FOXP1: variants seen among roughly 807,000 people sequenced by gnomAD.
FOXP1 encodes the protein forkhead box P1.
FOXP1 carries 15 observed loss-of-function variants against 98.2 expected under a neutral mutation model. The ratio of observed to expected loss-of-function variants is 0.15; its 90% confidence interval spans 0.10 to 0.24. The LOEUF is 0.24. Among genes scored for constraint, FOXP1 ranks in the 10% least tolerant of loss-of-function variants. The pLI, the probability that FOXP1 is intolerant of heterozygous loss-of-function variation, is 1.00. For synonymous variants in FOXP1, 371 were observed against 314.5 expected (o/e 1.18, Z -1.90); for missense variants, 633 against 848.5 (o/e 0.75, Z 3.15).
At chr3:71,134,337 C>G (rs1311182763) in intron 6 of FOXP1, among the ~76,000 whole-genome samples, 2 of 152,112 alleles carry the variant, frequency 1.3e-5, no homozygotes, top group East Asian at 3.9e-4. Flanking sequence ...CAAATGTAAC[C>G]AAGGCTGGAC....
intron 3 of FOXP1, among the ~76,000 whole-genome samples, chr3:71,384,916 G>T (rs1055578253): frequency 6.6e-6 from 1 of 152,058 alleles, no homozygotes; most frequent in Non-Finnish European, 1.5e-5. Context: ...TCACTTAGTG[G>T]TATCTTGAAA....
intron 2 of FOXP1, among the ~76,000 whole-genome samples, chr3:71,509,669 G>A (rs906166181): frequency 6.6e-6 from 1 of 152,096 alleles, no homozygotes; most frequent in Non-Finnish European, 1.5e-5. Context: ...ATTGCTTGAG[G>A]CTAGGAGTTC....
intron 12 of FOXP1, among the ~76,000 whole-genome samples, chr3:71,001,560 G>A (rs2042128145): frequency 6.6e-6 from 1 of 151,988 alleles, no homozygotes; most frequent in Non-Finnish European, 1.5e-5. Context: ...CCTGAAACAT[G>A]AGCCTACACA....
At chr3:71,197,845 T>C (rs906611143) in intron 6 of FOXP1, 1 of 1,604,246 alleles carries the variant, frequency 6.2e-7, no homozygotes, top group Admixed American at 1.7e-5. Context: ...CTGTTTTTCG[T>C]TTAATTTTTA....
At chr3:71,088,508 A>G (rs745822912) in intron 7 of FOXP1, among the ~76,000 whole-genome samples, 9 of 151,876 alleles carry the variant, frequency 5.9e-5, no homozygotes, top group Non-Finnish European at 1.3e-4. Context: ...CTAGGTCAAC[A>G]CAACCACCCA....
intron 12 of FOXP1, among the ~76,000 whole-genome samples, chr3:71,013,318 A>G (rs1351797112): frequency 6.6e-6 from 1 of 152,192 alleles, no homozygotes; most frequent in African/African-American, 2.4e-5. Flanking sequence ...AGTCAATTGT[A>G]TAACAAAGAA....
intron 6 of FOXP1, among the ~76,000 whole-genome samples, chr3:71,169,886 G>A (rs1232391955): frequency 1.3e-5 from 2 of 151,900 alleles, no homozygotes; most frequent in East Asian, 1.9e-4. Flanking sequence ...TTCATTTTAC[G>A]CACAATTTTG....
chr3:71,380,626 T>C (rs1387718156), intron 3 of FOXP1, among the ~76,000 whole-genome samples: 1 of 152,180 alleles, frequency 6.6e-6, no homozygotes, highest in Non-Finnish European at 1.5e-5. Context: ...CACTCTTCAA[T>C]GTTTGATATG....
chr3:70,967,212 T>C (rs1175495641), intron 19 of FOXP1, among the ~76,000 whole-genome samples: 4 of 152,218 alleles, frequency 2.6e-5, no homozygotes, highest in Non-Finnish European at 4.4e-5. Context: ...CTAGAAATCC[T>C]GGCTCTAGAA....
intron 2 of FOXP1, among the ~76,000 whole-genome samples, chr3:71,498,194 C>T (rs1286336702): frequency 2.0e-5 from 3 of 152,130 alleles, no homozygotes; most frequent in Non-Finnish European, 2.9e-5. Flanking sequence ...AATCCCAGGG[C>T]CTGTGGTTGC....
intron 7 of FOXP1, among the ~76,000 whole-genome samples, chr3:71,093,226 C>T (rs2056080382): frequency 6.7e-6 from 1 of 148,226 alleles, no homozygotes; most frequent in East Asian, 2.0e-4. Context: ...TGCACTCAGC[C>T]TGGGCGACAA....
At chr3:71,492,071 T>C (rs1442889396) in intron 3 of FOXP1, among the ~76,000 whole-genome samples, 2 of 152,138 alleles carry the variant, frequency 1.3e-5, no homozygotes, top group African/African-American at 2.4e-5. Flanking sequence ...GTCCCATTTG[T>C]AAACTGAGGT....
intron 5 of FOXP1, among the ~76,000 whole-genome samples, chr3:71,298,765 C>A (rs896887541): frequency 7.3e-6 from 1 of 137,860 alleles, no homozygotes; most frequent in Admixed American, 6.9e-5. Context: ...CATTCTAGAA[C>A]CCCCCCAAGC....
intron 14 of FOXP1, among the ~76,000 whole-genome samples, chr3:70,982,579 A>T (rs1304996597): frequency 6.6e-6 from 1 of 152,214 alleles, no homozygotes; most frequent in African/African-American, 2.4e-5. Context: ...TATGTCATTT[A>T]AAATTGCTGT....
At chr3:71,468,912 G>C (rs1485775892) in intron 3 of FOXP1, among the ~76,000 whole-genome samples, 1 of 152,208 alleles carries the variant, frequency 6.6e-6, no homozygotes, top group Non-Finnish European at 1.5e-5. Flanking sequence ...GTGGGTGCTT[G>C]AGCAAGACAC....
chr3:71,157,721 T>A (rs2321502), intron 6 of FOXP1, among the ~76,000 whole-genome samples: 1 of 152,144 alleles, frequency 6.6e-6, no homozygotes, highest in African/African-American at 2.4e-5. Context: ...CTTTGCTAGT[T>A]AGAGGCTAGT....
intron 4 of FOXP1, among the ~76,000 whole-genome samples, chr3:71,307,736 G>A (rs984974944): frequency 2.0e-5 from 3 of 152,176 alleles, no homozygotes; most frequent in Non-Finnish European, 4.4e-5. Context: ...GGGTAGTTAT[G>A]CTTCCCAGCT....
At chr3:71,414,552 C>T (rs1473303298) in intron 3 of FOXP1, among the ~76,000 whole-genome samples, 4 of 152,228 alleles carry the variant, frequency 2.6e-5, no homozygotes, top group Admixed American at 6.5e-5. Flanking sequence ...GTCTCACTTC[C>T]AATTATTAAA....
intron 13 of FOXP1, among the ~76,000 whole-genome samples, chr3:70,991,903 A>G (rs1052416793): frequency 3.3e-5 from 5 of 152,202 alleles, no homozygotes; most frequent in Non-Finnish European, 7.3e-5. Flanking sequence ...ACCTGGGACA[A>G]TAACTCAAAT....
Sources: gnomAD v4.1 joint callset for allele counts (sites outside exome capture counted in the v4.1 genomes callset) on GRCh38, gnomAD v4.1.1 for gene constraint, MANE v1.5 for transcripts, NCBI Gene and HGNC (gene_info 2026-07-23, HGNC 2026-07-21) for gene names.